Variants in CSMD1 observed in about 807,000 individuals in gnomAD.
CSMD1 encodes the protein CUB and Sushi multiple domains 1.
A neutral mutation model predicts 417.5 loss-of-function variants in CSMD1; 213 were observed. The observed-to-expected ratio is 0.51, with a 90% CI of 0.46 to 0.57. The LOEUF (loss-of-function observed/expected upper bound fraction) is 0.57. Among genes scored for constraint, CSMD1 ranks in the 20% least tolerant of loss-of-function variants. The pLI, the probability that CSMD1 is intolerant of heterozygous loss-of-function variation, is 0.00. For synonymous variants in CSMD1, 2,862 were observed against 1,736.8 expected (o/e 1.65, Z -16.11); for missense variants, 6,923 against 4,529.7 (o/e 1.53, Z -15.17).
intron 25 of CSMD1, among the ~76,000 whole-genome samples, chr8:3,302,482 A>G (rs1220180817): frequency 6.6e-6 from 1 of 152,006 alleles, no homozygotes; most frequent in East Asian, 1.9e-4. Context: ...TTTGAGTTTC[A>G]CTTCCCATGA....
At position 4,707,812 on chromosome 8, in the gene CSMD1, G is replaced by C. The variant is rs570284228; in HGVS notation, c.86-70254C>G. 7.4e-5 allele frequency among the ~76,000 whole-genome samples: 11 copies of C among 147,790 alleles called. No homozygotes were observed. In the South Asian group the frequency reaches 1.9e-3, roughly 26 times the overall value. ...TGAAGCAGAAGAATCGCTTGAACTC[G>C]GGAGGGAGAGGTTGCAGTGAACCAA... On this transcript the variant is annotated intron_variant, in intron 1 of 69. Coordinates refer to ENST00000635120, the MANE Select transcript of CSMD1 (RefSeq NM_033225.6).
chr8:4,192,473 T>C (rs1799086136), intron 3 of CSMD1, among the ~76,000 whole-genome samples: 1 of 152,126 alleles, frequency 6.6e-6, no homozygotes, highest in Non-Finnish European at 1.5e-5. Flanking sequence ...TCGGTAGCAC[T>C]GATGTTGACC....
chr8:3,665,539 A>G (rs1798644492), intron 7 of CSMD1, among the ~76,000 whole-genome samples: 1 of 152,074 alleles, frequency 6.6e-6, no homozygotes, highest in Non-Finnish European at 1.5e-5. Context: ...AAAGATATAT[A>G]TATTTGTCAG....
At chr8:4,296,107 G>A (rs1312036117) in intron 3 of CSMD1, among the ~76,000 whole-genome samples, 1 of 152,076 alleles carries the variant, frequency 6.6e-6, no homozygotes, top group South Asian at 2.1e-4. Flanking sequence ...TGCAAGGAGA[G>A]AAATCTTAAT....
chr8:4,244,320 A>T (rs1013176041), intron 3 of CSMD1, among the ~76,000 whole-genome samples: 1 of 152,166 alleles, frequency 6.6e-6, no homozygotes, highest in African/African-American at 2.4e-5. Context: ...TCCATGCCTG[A>T]AACTTTGCCT....
chr8:4,219,915 T>C (rs1277753054), intron 3 of CSMD1, among the ~76,000 whole-genome samples: 4 of 152,200 alleles, frequency 2.6e-5, no homozygotes, highest in African/African-American at 9.7e-5. Context: ...TGTAATATGA[T>C]GGAGAGAATC....
At position 4,994,861 on chromosome 8, in the gene CSMD1, G is replaced by A. The variant is rs567251763; in HGVS notation, c.-445C>T. 27 of 165,528 alleles carry A rather than the reference G, an allele frequency of 1.6e-4. 2 individuals are homozygous for A. The South Asian group carries it at 3.9e-3, about 24-fold the overall frequency. 10.3% of individuals were successfully genotyped at this position (165,528 alleles called of 1,614,324 possible). A position where few individuals can be genotyped will look rare whatever the true frequency, so the allele number is the denominator to read the frequency against. Reference sequence around the variant, plus strand: ...GAGAGATCCAGTCTAGAGAGAAAAGGCGGAGAGCGCAGAAGAAGGGCTGCT... The same window carrying A: ...GAGAGATCCAGTCTAGAGAGAAAAGACGGAGAGCGCAGAAGAAGGGCTGCT... On this transcript the variant is annotated 5_prime_UTR_variant, in exon 1 of 70. Transcript: ENST00000635120.
intron 3 of CSMD1, among the ~76,000 whole-genome samples, chr8:4,035,779 T>G (rs1053288652): frequency 1.1e-4 from 16 of 152,182 alleles, no homozygotes; most frequent in Admixed American, 9.8e-4. Flanking sequence ...ATACTAAGCT[T>G]AATTTATGAT....
chr8:4,151,686 C>T (rs1033743143), intron 3 of CSMD1, among the ~76,000 whole-genome samples: 1 of 152,074 alleles, frequency 6.6e-6, no homozygotes, highest in East Asian at 1.9e-4. Context: ...TGAAAAAAAT[C>T]CAACTGATTT....
chr8:3,973,834 G>C (rs117412442), intron 5 of CSMD1, among the ~76,000 whole-genome samples: 3 of 152,142 alleles, frequency 2.0e-5, no homozygotes, highest in South Asian at 2.1e-4. Context: ...TTAATATGTA[G>C]TTGCTGTTTT....
chr8:3,379,650 G>T (rs528032495), intron 18 of CSMD1, among the ~76,000 whole-genome samples: 4 of 152,144 alleles, frequency 2.6e-5, no homozygotes, highest in African/African-American at 4.8e-5. Context: ...AATGGGGAAA[G>T]GATTCCGTAT....
intron 23 of CSMD1, among the ~76,000 whole-genome samples, chr8:3,315,091 T>G (rs548190685): frequency 1.3e-5 from 2 of 152,202 alleles, no homozygotes; most frequent in Admixed American, 6.5e-5. Flanking sequence ...TCTGTTAATT[T>G]TACCTAAGAC....
chr8:3,165,844 G>A (rs1055722219), intron 37 of CSMD1, among the ~76,000 whole-genome samples: 2 of 152,086 alleles, frequency 1.3e-5, no homozygotes, highest in Non-Finnish European at 2.9e-5. Flanking sequence ...TTGGGAATGC[G>A]GTGAAACCTT....
At chr8:3,585,386 T>A (rs1303027633) in intron 9 of CSMD1, among the ~76,000 whole-genome samples, 1 of 152,190 alleles carries the variant, frequency 6.6e-6, no homozygotes, top group Admixed American at 6.5e-5. Context: ...GGGCTTTTTC[T>A]CCCAAAACTA....
intron 41 of CSMD1, among the ~76,000 whole-genome samples, chr8:3,137,112 C>T (rs1818148496): frequency 6.6e-6 from 1 of 152,202 alleles, no homozygotes; most frequent in Non-Finnish European, 1.5e-5. Context: ...GGGGAATGTT[C>T]AATATCCTCC....
chr8:3,439,305 A>T (rs1308382132), intron 12 of CSMD1, among the ~76,000 whole-genome samples: 6,132 of 41,132 alleles, frequency 0.15, 389 homozygotes, highest in Non-Finnish European at 0.17. Context: ...ATATATATAT[A>T]TATATTTTTT....
At chr8:3,436,606 T>A (rs114562778) in intron 12 of CSMD1, among the ~76,000 whole-genome samples, 140 of 152,336 alleles carry the variant, frequency 9.2e-4, no homozygotes, top group African/African-American at 3.3e-3. Context: ...TTATTATTGA[T>A]CATAATAAAC....
intron 54 of CSMD1, among the ~76,000 whole-genome samples, chr8:2,980,047 A>G (rs1805270527): frequency 6.6e-6 from 1 of 152,230 alleles, no homozygotes; most frequent in Non-Finnish European, 1.5e-5. Flanking sequence ...AGCATAAGAG[A>G]TGGAATCAGC....
At chr8:3,242,435 C>A (rs952563587) in intron 26 of CSMD1, among the ~76,000 whole-genome samples, 5 of 151,994 alleles carry the variant, frequency 3.3e-5, no homozygotes, top group African/African-American at 1.2e-4. Flanking sequence ...TAGGTAGGGA[C>A]TGATGTGTAA....
Sources: allele counts gnomAD v4.1 joint callset (sites outside exome capture counted in the v4.1 genomes callset), GRCh38; gene constraint gnomAD v4.1.1; transcripts MANE v1.5; gene names NCBI Gene and HGNC (gene_info 2026-07-23, HGNC 2026-07-21).